The following OTUD7A variants were observed in gnomAD, a reference collection of about 807,000 sequenced individuals.
The protein encoded by OTUD7A is OTU deubiquitinase 7A, also known as OTU domain-containing protein 7A.
OTUD7A carries 12 observed loss-of-function variants against 65.7 expected under a neutral mutation model. That is an observed-to-expected ratio of 0.18 (90% CI 0.12 to 0.30). The LOEUF (loss-of-function observed/expected upper bound fraction) is 0.30, where lower values mean the gene tolerates loss of function less well. Ranked by LOEUF, OTUD7A falls within the 10% of genes least tolerant of loss-of-function variation. The pLI is 1.00. For synonymous variants in OTUD7A, 641 were observed against 586.3 expected, an observed-to-expected ratio of 1.09 and a Z score of -1.35; for missense variants, 1,148 against 1,304.8, an observed-to-expected ratio of 0.88 and a Z score of 1.85.
At chr15:31,624,297 T>C (rs1287676818) in intron 3 of OTUD7A, among the ~76,000 whole-genome samples, 1 of 152,216 alleles carries the variant, frequency 6.6e-6, no homozygotes, top group African/African-American at 2.4e-5. Context: ...AGCAAAATAA[T>C]TCATGCTAAA....
At chr15:31,569,943 T>C in intron 4 of OTUD7A, 75 bp downstream of exon 4, 2 of 1,536,122 alleles carry the variant, frequency 1.3e-6, no homozygotes, top group Non-Finnish European at 1.8e-6. Context: ...CCATTCTTTG[T>C]ACCACGCAAC....
At chr15:31,642,843 C>T (rs1891557558) in intron 3 of OTUD7A, among the ~76,000 whole-genome samples, 1 of 152,084 alleles carries the variant, frequency 6.6e-6, no homozygotes, top group Non-Finnish European at 1.5e-5. Flanking sequence ...TTTGGTTTCA[C>T]TGACTTTCTC....
At chr15:31,586,096 A>G (rs1174073574) in intron 3 of OTUD7A, among the ~76,000 whole-genome samples, 1 of 152,202 alleles carries the variant, frequency 6.6e-6, no homozygotes, top group Non-Finnish European at 1.5e-5. Context: ...GGCTCCTGCC[A>G]GTTACGATTA....
chr15:31,679,880 A>C (rs551257976), intron 1 of OTUD7A, among the ~76,000 whole-genome samples: 2 of 152,370 alleles, frequency 1.3e-5, no homozygotes, highest in South Asian at 4.1e-4. Context: ...AGATATTTTA[A>C]AGTTACATAA....
intron 8 of OTUD7A, among the ~76,000 whole-genome samples, chr15:31,525,187 C>T (rs1049300025): frequency 4.6e-5 from 7 of 152,184 alleles, no homozygotes; most frequent in African/African-American, 1.7e-4. Flanking sequence ...AAAACGATGT[C>T]GAGGAACACT....
At chr15:31,689,893 G>C (rs1020288771) in intron 1 of OTUD7A, among the ~76,000 whole-genome samples, 2 of 152,184 alleles carry the variant, frequency 1.3e-5, no homozygotes, top group African/African-American at 4.8e-5. Context: ...CTGGGGGTGT[G>C]ATCTGCAGGG....
intron 3 of OTUD7A, among the ~76,000 whole-genome samples, chr15:31,632,885 C>A (rs1441674962): frequency 2.0e-5 from 3 of 152,202 alleles, no homozygotes; most frequent in African/African-American, 7.2e-5. Context: ...GCTGTGCTAG[C>A]AATCAGGGAG....
At chr15:31,777,201 CAT>C (rs1334728524) in intron 1 of OTUD7A, among the ~76,000 whole-genome samples, 1 of 152,176 alleles carries the variant, frequency 6.6e-6, no homozygotes, top group Non-Finnish European at 1.5e-5. Flanking sequence ...TGCATCCTCA[CAT>C]GACAGCCTTT....
intron 1 of OTUD7A, among the ~76,000 whole-genome samples, chr15:31,833,312 C>T (rs1187294943): frequency 6.6e-6 from 1 of 152,230 alleles, no homozygotes; most frequent in African/African-American, 2.4e-5. Context: ...GATCTCCCTA[C>T]ACATTTGCCC....
At chr15:31,623,149 C>G (rs543588065) in intron 3 of OTUD7A, among the ~76,000 whole-genome samples, 2 of 152,240 alleles carry the variant, frequency 1.3e-5, no homozygotes, top group African/African-American at 4.8e-5. Flanking sequence ...GGGTACCCAG[C>G]CGTGTGAGGT....
chr15:31,486,386 A>G (rs939147935), intron 12 of OTUD7A, among the ~76,000 whole-genome samples: 1 of 152,206 alleles, frequency 6.6e-6, no homozygotes, highest in Non-Finnish European at 1.5e-5. Context: ...GTCTGAGAGC[A>G]CTGAGCAGTG....
chr15:31,625,707 GAA>G (rs1890931653), intron 3 of OTUD7A, among the ~76,000 whole-genome samples: 1 of 152,098 alleles, frequency 6.6e-6, no homozygotes, highest in Admixed American at 6.6e-5. Flanking sequence ...GACTTCTACA[GAA>G]ATGTCTGTAG....
chr15:31,540,262 TCATCACTCTTCC>T (rs2141134227), intron 5 of OTUD7A, among the ~76,000 whole-genome samples: 1 of 152,296 alleles, frequency 6.6e-6, no homozygotes, highest in South Asian at 2.1e-4. Flanking sequence ...CGCTAACCAA[TCATCACTCTTCC>T]CACAAAGGAG....
chr15:31,820,252 T>C (rs924971009), intron 1 of OTUD7A, among the ~76,000 whole-genome samples: 12 of 152,252 alleles, frequency 7.9e-5, no homozygotes, highest in African/African-American at 2.7e-4. Context: ...TTCAAGTCTA[T>C]ACATTTAAAA....
chr15:31,531,998 C>T (rs900945345), intron 5 of OTUD7A, among the ~76,000 whole-genome samples: 3 of 152,172 alleles, frequency 2.0e-5, no homozygotes, highest in Admixed American at 6.5e-5. Context: ...CTTCAATTAC[C>T]CTCTGGCAGT....
chr15:31,796,064 G>T (rs1053141204), intron 1 of OTUD7A, among the ~76,000 whole-genome samples: 2 of 151,926 alleles, frequency 1.3e-5, no homozygotes, highest in African/African-American at 4.8e-5. Context: ...GTCACAGCAG[G>T]GATCACCACC....
intron 8 of OTUD7A, among the ~76,000 whole-genome samples, chr15:31,525,805 T>C (rs549116255): frequency 9.2e-5 from 14 of 152,354 alleles, no homozygotes; most frequent in African/African-American, 3.1e-4. Context: ...TTCCTAAACA[T>C]GCACAGATGT....
chr15:31,854,823 A>G (rs1897524730), intron 1 of OTUD7A, among the ~76,000 whole-genome samples: 1 of 152,128 alleles, frequency 6.6e-6, no homozygotes. Flanking sequence ...AGGAAAAAAA[A>G]AAACAACAAC....
intron 3 of OTUD7A, among the ~76,000 whole-genome samples, chr15:31,606,157 G>T (rs1461909187): frequency 6.6e-6 from 1 of 152,178 alleles, no homozygotes; most frequent in Non-Finnish European, 1.5e-5. Flanking sequence ...TTTTAGCTCA[G>T]TGTAAATGCA....
Sources: allele counts gnomAD v4.1 joint callset (sites outside exome capture counted in the v4.1 genomes callset), GRCh38; gene constraint gnomAD v4.1.1; transcripts MANE v1.5; gene names NCBI Gene and HGNC (gene_info 2026-07-23, HGNC 2026-07-21).